RTN3: variants seen among roughly 807,000 people sequenced by gnomAD.
The protein encoded by RTN3 is reticulon 3.
RTN3 carries 49 observed loss-of-function variants against 77.8 expected under a neutral mutation model. That is an observed-to-expected ratio of 0.63 (90% CI 0.50 to 0.80). RTN3 has a LOEUF of 0.80. RTN3 is among the 30% of genes least tolerant of loss of function. RTN3 has a pLI of 0.00. For missense variants in RTN3, 1,236 were observed against 1,211.9 expected, an observed-to-expected ratio of 1.02 and a Z score of -0.29; for synonymous variants, 464 against 446.9, an observed-to-expected ratio of 1.04 and a Z score of -0.48.
chr11:63,692,906 A>C (rs1045470437), intron 1 of RTN3, among the ~76,000 whole-genome samples: 2 of 152,156 alleles, frequency 1.3e-5, no homozygotes, highest in Non-Finnish European at 2.9e-5. Context: ...ACAATTTGTC[A>C]CAGAATTTTG....
intron 2 of RTN3, among the ~76,000 whole-genome samples, chr11:63,715,427 C>T (rs903724862): frequency 5.3e-5 from 8 of 152,028 alleles, no homozygotes; most frequent in Admixed American, 3.3e-4. Flanking sequence ...GAGGCTGAGG[C>T]GAGCAGATTG....
intron 2 of RTN3, among the ~76,000 whole-genome samples, chr11:63,717,449 C>T (rs2011481139): frequency 1.5e-5 from 2 of 137,102 alleles, no homozygotes; most frequent in African/African-American, 5.5e-5. Context: ...GATGGCGTGA[C>T]CTCAGCTCAC....
chr11:63,693,108 C>A (rs1056620662), intron 1 of RTN3, among the ~76,000 whole-genome samples: 5 of 152,102 alleles, frequency 3.3e-5, no homozygotes, highest in African/African-American at 9.7e-5. Flanking sequence ...CTAAAACAAG[C>A]CCTTGGCTCA....
intron 1 of RTN3, among the ~76,000 whole-genome samples, chr11:63,700,710 C>T (rs1427235103): frequency 1.3e-5 from 2 of 151,734 alleles, no homozygotes; most frequent in Non-Finnish European, 2.9e-5. Flanking sequence ...CTCAAATGGT[C>T]CTTCCACCTC....
chr11:63,729,363 T>A (rs1398495833), intron 3 of RTN3, among the ~76,000 whole-genome samples: 1 of 151,758 alleles, frequency 6.6e-6, no homozygotes, highest in Non-Finnish European at 1.5e-5. Context: ...ATAGAGGTTA[T>A]GATGTTTATT....
At position 63,719,466 on chromosome 11, in the gene RTN3, C is replaced by T. The variant is rs1450002053; in HGVS notation, c.964C>T (p.Leu322=). 1 of 1,614,132 alleles carries T rather than the reference C, an allele frequency of 6.2e-7. No individual in the cohort carries two copies. Among genetic ancestry groups the T allele is most frequent in the South Asian group, 1.1e-5 (1 of 91,074 alleles). The change falls in exon 3 of 9, where the codon CTG becomes TTG. Residue 322 remains leucine (L), a synonymous_variant. Coordinates refer to ENST00000377819, the MANE Select transcript of RTN3 (RefSeq NM_001265589.2). ...SRQFSHTNAA[L]EEVSRCVNDM... ...GCAGTTTTCACACACAAATGCAGCA[C>T]TGGAAGAGGTGTCCAGATGCGTGAA...
At chr11:63,753,616 C>T in intron 6 of RTN3, 46 bp from the exon 7 acceptor site, 1 of 1,535,528 alleles carries the variant, frequency 6.5e-7, no homozygotes, top group Non-Finnish European at 9.0e-7. Flanking sequence ...TAAGATGTGA[C>T]TGTCTCTCAT....
intron 3 of RTN3, among the ~76,000 whole-genome samples, chr11:63,726,540 A>G (rs1383352957): frequency 2.0e-5 from 3 of 152,204 alleles, no homozygotes; most frequent in African/African-American, 7.2e-5. Context: ...TTAACACAAA[A>G]GATTATAAGC....
intron 2 of RTN3, among the ~76,000 whole-genome samples, chr11:63,718,169 A>G (rs2011511778): frequency 6.6e-6 from 1 of 152,134 alleles, no homozygotes; most frequent in African/African-American, 2.4e-5. Flanking sequence ...GGAAGGGCCC[A>G]TTGCATCTCC....
intron 3 of RTN3, among the ~76,000 whole-genome samples, chr11:63,736,603 G>A (rs1404528675): frequency 2.7e-4 from 41 of 152,104 alleles, no homozygotes; most frequent in African/African-American, 8.2e-4. Flanking sequence ...CAGTAGAATC[G>A]CTTGAACCCG....
At position 63,720,780 on chromosome 11, in the gene RTN3, A is replaced by G. The variant is rs951408598; in HGVS notation, c.2278A>G (p.Thr760Ala). The change falls in exon 3 of 9, where the codon ACT becomes GCT. Residue 760 changes from threonine to alanine, a missense_variant. By Grantham distance (58) the Thr-to-Ala change is moderately conservative. Transcript: ENST00000377819. ...AGGTGAAAGACAGGTTGAGAAGTCA[A>G]CTTCTGCACAGCGTGACGCAGAATT... Reference protein sequence around the residue: ...ELGERQVEKSTSAQRDAELPS... With the variant: ...ELGERQVEKSASAQRDAELPS... The G allele has an allele frequency of 1.3e-5, 21 of 1,613,982 alleles. No individual in the cohort carries two copies. The highest frequency in any genetic ancestry group is 6.7e-5 in the African/African-American group (5 of 74,930).
At chr11:63,727,286 A>T (rs1338119244) in intron 3 of RTN3, among the ~76,000 whole-genome samples, 3 of 152,254 alleles carry the variant, frequency 2.0e-5, no homozygotes, top group African/African-American at 7.2e-5. Context: ...ATATAATCCA[A>T]AACTACATGT....
chr11:63,695,574 A>G (rs1330697638), intron 1 of RTN3, among the ~76,000 whole-genome samples: 1 of 152,208 alleles, frequency 6.6e-6, no homozygotes, highest in African/African-American at 2.4e-5. Context: ...TCAGGTTAAC[A>G]TCATCAGTTG....
At chr11:63,694,167 T>G (rs1246766404) in intron 1 of RTN3, among the ~76,000 whole-genome samples, 1 of 150,968 alleles carries the variant, frequency 6.6e-6, no homozygotes, top group Non-Finnish European at 1.5e-5. Context: ...ACCAGTTTAT[T>G]AATTAATTAT....
At chr11:63,690,551 CAG>C (rs1203229718) in intron 1 of RTN3, among the ~76,000 whole-genome samples, 6 of 152,154 alleles carry the variant, frequency 3.9e-5, no homozygotes, top group Non-Finnish European at 8.8e-5. Context: ...GACTCAGGCA[CAG>C]AGAGTTTAAT....
chr11:63,707,591 T>C (rs1202570194), intron 2 of RTN3, among the ~76,000 whole-genome samples: 2 of 152,136 alleles, frequency 1.3e-5, no homozygotes, highest in African/African-American at 4.8e-5. Flanking sequence ...CCTAGCACTT[T>C]AGGAGGCTGA....
intron 1 of RTN3, among the ~76,000 whole-genome samples, chr11:63,696,836 C>CGCG (rs1264308082): frequency 6.7e-6 from 1 of 149,662 alleles, no homozygotes; most frequent in Non-Finnish European, 1.5e-5. Flanking sequence ...CTTGAGCCAC[C>CGCG]ACACCTGGCC....
intron 2 of RTN3, among the ~76,000 whole-genome samples, chr11:63,711,088 T>C (rs1185254505): frequency 6.6e-6 from 1 of 152,060 alleles, no homozygotes; most frequent in East Asian, 1.9e-4. Context: ...GAGACAAGCC[T>C]GGCTGACATG....
chr11:63,713,151 G>T (rs2011213332), intron 2 of RTN3, among the ~76,000 whole-genome samples: 1 of 152,064 alleles, frequency 6.6e-6, no homozygotes, highest in Non-Finnish European at 1.5e-5. Context: ...TTTAGAATAT[G>T]ACTACCAACT....
Sources: gnomAD v4.1 joint callset for allele counts (sites outside exome capture counted in the v4.1 genomes callset) on GRCh38, gnomAD v4.1.1 for gene constraint, MANE v1.5 for transcripts, NCBI Gene and HGNC (gene_info 2026-07-23, HGNC 2026-07-21) for gene names.